Variants in KHDRBS2 observed in about 807,000 individuals in gnomAD.
KHDRBS2 encodes the protein KH domain-containing, RNA-binding, signal transduction-associated protein 2.
Under a neutral mutation model 44.3 loss-of-function variants are expected in KHDRBS2, and 26 were observed. The observed-to-expected ratio is 0.59, with a 90% CI of 0.43 to 0.81. The LOEUF is 0.81. Among genes scored for constraint, KHDRBS2 ranks in the 40% least tolerant of loss-of-function variants. The pLI is 0.00. For missense variants in KHDRBS2, 476 were observed against 433.1 expected (o/e 1.10, Z -0.88); for synonymous variants, 194 against 151.1 (o/e 1.28, Z -2.08).
chr6:61,659,699 C>A, the KHDRBS2 span, among the ~76,000 whole-genome samples: 3 of 151,540 alleles, frequency 2.0e-5, no homozygotes, highest in African/African-American at 7.3e-5. Flanking sequence ...GGAAGAATAG[C>A]AAATGAGAAG....
chr6:61,583,662 CT>C, the KHDRBS2 span, among the ~76,000 whole-genome samples: 1,097 of 151,560 alleles, frequency 7.2e-3, 7 homozygotes, highest in Non-Finnish European at 0.011. Context: ...CAATTTTGTT[CT>C]TCTTGTTCTA....
chr6:61,894,714 G>A lies in KHDRBS2; in HGVS notation c.731C>T (p.Thr244Ile), dbSNP rs1802598387. 2 of 1,613,642 alleles carry A rather than the reference G, an allele frequency of 1.2e-6. No individual in the cohort carries two copies. Among genetic ancestry groups the A allele is most frequent in the South Asian group, 2.2e-5 (2 of 90,994 alleles). The change falls in exon 6 of 9, where the codon ACC becomes ATC. Residue 244 changes from threonine to isoleucine, a missense_variant. Transcript: ENST00000281156. The part of the protein sequence containing the change: ...PVPPVARGVP[T>I]PRARGAPTVP... ...TGTTGGTGCCCCCCGGGCTCGAGGGGTAGGGACACCTCTTGCTACAGGTGG... is the reference window on the plus strand; with the variant it reads ...TGTTGGTGCCCCCCGGGCTCGAGGGATAGGGACACCTCTTGCTACAGGTGG...
In KHDRBS2 at chr6:61,932,195, G is replaced by T. The variant is rs190284426; in HGVS notation, c.484-30824C>A. On this transcript the variant is annotated intron_variant, in intron 4 of 8. Coordinates refer to ENST00000281156, the MANE Select transcript of KHDRBS2 (RefSeq NM_152688.4). Reference sequence around the variant, plus strand: ...GTCAGCACCCCTAAGCCCCTATGTTGTTTAAGGGTCAACTATACATATACA... The same window carrying T: ...GTCAGCACCCCTAAGCCCCTATGTTTTTTAAGGGTCAACTATACATATACA... 1.4e-4 allele frequency among the ~76,000 whole-genome samples: 21 copies of T among 152,208 alleles called. No homozygotes were observed. In the East Asian group the frequency reaches 3.9e-3, roughly 28 times the overall value.
chr6:61,840,810 G>T (rs1793489413), intron 6 of KHDRBS2, among the ~76,000 whole-genome samples: 1 of 151,990 alleles, frequency 6.6e-6, no homozygotes, highest in African/African-American at 2.4e-5. Flanking sequence ...TTTTTACATG[G>T]GAGTAGAAAA....
intron 7 of KHDRBS2, among the ~76,000 whole-genome samples, chr6:61,719,478 T>C (rs1772000057): frequency 6.6e-6 from 1 of 151,892 alleles, no homozygotes; most frequent in Admixed American, 6.6e-5. Context: ...AAAAAAAAGG[T>C]TATCAGAACA....
chr6:62,126,182 G>C (rs1447984969), intron 2 of KHDRBS2, among the ~76,000 whole-genome samples: 4 of 152,190 alleles, frequency 2.6e-5, no homozygotes, highest in African/African-American at 7.2e-5. Flanking sequence ...CGTGGGCCTT[G>C]AGTGAACATT....
chr6:62,220,994 C>A (rs1001396804), intron 1 of KHDRBS2, among the ~76,000 whole-genome samples: 4 of 151,818 alleles, frequency 2.6e-5, no homozygotes, highest in Non-Finnish European at 4.4e-5. Context: ...TAAATCACCA[C>A]CTTGTAAAGA....
intron 2 of KHDRBS2, among the ~76,000 whole-genome samples, chr6:62,060,633 C>CTCTA (rs758456817): frequency 1.2e-3 from 173 of 144,950 alleles, no homozygotes; most frequent in South Asian, 3.3e-3. Flanking sequence ...CTCTCTCTCT[C>CTCTA]TATATATATA....
At chr6:61,738,180 C>A (rs914938186) in intron 6 of KHDRBS2, among the ~76,000 whole-genome samples, 2 of 151,952 alleles carry the variant, frequency 1.3e-5, no homozygotes, top group Non-Finnish European at 2.9e-5. Context: ...CTTAAGTTAT[C>A]AGTCCCAACG....
At chr6:62,133,312 C>G (rs1182313733) in intron 2 of KHDRBS2, among the ~76,000 whole-genome samples, 1 of 152,080 alleles carries the variant, frequency 6.6e-6, no homozygotes, top group Non-Finnish European at 1.5e-5. Context: ...ACACTGTTCT[C>G]GTGGTAGTAA....
At chr6:62,099,549 C>T (rs1236389923) in intron 2 of KHDRBS2, among the ~76,000 whole-genome samples, 1 of 152,164 alleles carries the variant, frequency 6.6e-6, no homozygotes, top group Admixed American at 6.5e-5. Context: ...GGTCCAGATG[C>T]CCTGTCCATG....
rs1770576815 is a variant in KHDRBS2 at position 61,711,954 on chromosome 6, G to A, written c.894-14701C>T. Among the ~76,000 whole-genome samples the A allele has an allele frequency of 2.0e-5, 3 of 151,740 alleles. No individual in the cohort carries two copies. The South Asian group carries it at 6.2e-4, about 31-fold the overall frequency. Reference sequence around the variant, plus strand: ...TAGCTCATGTGCTTTTGGTTTCGCTGGAAGTTGGCTGATCTAGGCTGGGCT... The same window carrying A: ...TAGCTCATGTGCTTTTGGTTTCGCTAGAAGTTGGCTGATCTAGGCTGGGCT... On this transcript the variant is annotated intron_variant, in intron 7 of 8. Transcript: ENST00000281156.
At chr6:62,160,393 T>G (rs208995) in intron 2 of KHDRBS2, among the ~76,000 whole-genome samples, 28,128 of 151,962 alleles carry the variant, frequency 0.19, 3,073 homozygotes, top group African/African-American at 0.31. Flanking sequence ...TTACATGAGG[T>G]AGGTCATTTT....
chr6:61,629,219 A>C, the KHDRBS2 span, among the ~76,000 whole-genome samples: 2 of 152,114 alleles, frequency 1.3e-5, no homozygotes, highest in African/African-American at 4.8e-5. Flanking sequence ...ATACCCAGAT[A>C]ATAAAGGTTC....
chr6:61,807,997 T>A (rs901750161), intron 6 of KHDRBS2, among the ~76,000 whole-genome samples: 1 of 152,074 alleles, frequency 6.6e-6, no homozygotes. Flanking sequence ...ACAAATTAAA[T>A]ACTTTTTCAG....
At chr6:61,956,253 T>C (rs1767275733) in intron 4 of KHDRBS2, among the ~76,000 whole-genome samples, 1 of 152,052 alleles carries the variant, frequency 6.6e-6, no homozygotes, top group Admixed American at 6.5e-5. Flanking sequence ...CACACCAGTA[T>C]ATGTAATTAT....
the KHDRBS2 span, among the ~76,000 whole-genome samples, chr6:61,662,727 G>A: frequency 1.9e-4 from 28 of 151,346 alleles, no homozygotes; most frequent in Non-Finnish European, 2.2e-4. Flanking sequence ...TTAGAATGGC[G>A]ATCATTAAAA....
At chr6:62,182,170 T>C (rs1563017050) in intron 1 of KHDRBS2, among the ~76,000 whole-genome samples, 2 of 152,046 alleles carry the variant, frequency 1.3e-5, no homozygotes, top group Non-Finnish European at 2.9e-5. Context: ...TAAATGTTTA[T>C]TGTTTGTAAG....
At chr6:61,726,917 A>T (rs1304557751) in intron 7 of KHDRBS2, among the ~76,000 whole-genome samples, 1 of 152,204 alleles carries the variant, frequency 6.6e-6, no homozygotes, top group Admixed American at 6.6e-5. Flanking sequence ...AATTAGAAAA[A>T]AATATTTTAA....
Sources: gnomAD v4.1 joint callset for allele counts (sites outside exome capture counted in the v4.1 genomes callset) on GRCh38, gnomAD v4.1.1 for gene constraint, MANE v1.5 for transcripts, NCBI Gene and HGNC (gene_info 2026-07-23, HGNC 2026-07-21) for gene names.